CNTN4: variants seen among roughly 807,000 people sequenced by gnomAD.
The protein encoded by CNTN4 is contactin 4.
Under a neutral mutation model 122.5 loss-of-function variants are expected in CNTN4, and 77 were observed. That is an observed-to-expected ratio of 0.63 (90% confidence interval 0.52 to 0.76). The LOEUF (loss-of-function observed/expected upper bound fraction) is 0.76, where lower values mean the gene tolerates loss of function less well. Ranked by LOEUF, CNTN4 falls within the 30% of genes least tolerant of loss-of-function variation. CNTN4 has a pLI of 0.00. For missense variants in CNTN4, 1,256 were observed against 1,259.1 expected (o/e 1.00, Z 0.04); for synonymous variants, 512 against 447.0 (o/e 1.15, Z -1.83).
intron 3 of CNTN4, among the ~76,000 whole-genome samples, chr3:2,525,723 T>A (rs551682446): frequency 6.6e-5 from 10 of 152,298 alleles, no homozygotes; most frequent in Non-Finnish European, 2.9e-5. Context: ...ACAATCAGTA[T>A]CAAATTCTGG....
At chr3:2,242,919 A>G (rs1293562137) in intron 2 of CNTN4, among the ~76,000 whole-genome samples, 1 of 152,168 alleles carries the variant, frequency 6.6e-6, no homozygotes, top group Non-Finnish European at 1.5e-5. Context: ...ATTCCAAAGT[A>G]TGGCAGGAAT....
intron 2 of CNTN4, among the ~76,000 whole-genome samples, chr3:2,156,651 T>C (rs972442922): frequency 2.6e-5 from 4 of 152,108 alleles, no homozygotes; most frequent in Non-Finnish European, 5.9e-5. Flanking sequence ...AAATGTTTGT[T>C]TTGGAGATGA....
chr3:2,481,861 G>A (rs1410002214), intron 3 of CNTN4, among the ~76,000 whole-genome samples: 1 of 151,986 alleles, frequency 6.6e-6, no homozygotes, highest in Non-Finnish European at 1.5e-5. Context: ...TGTGAAGAGG[G>A]GCCTCCATGC....
intron 3 of CNTN4, among the ~76,000 whole-genome samples, chr3:2,400,736 C>T (rs2046827553): frequency 6.6e-6 from 1 of 151,128 alleles, no homozygotes. Context: ...AAGAAACTAA[C>T]TTTGTGGTGG....
chr3:2,955,905 A>G (rs1441369636), intron 13 of CNTN4, among the ~76,000 whole-genome samples: 1 of 152,230 alleles, frequency 6.6e-6, no homozygotes, highest in Non-Finnish European at 1.5e-5. Flanking sequence ...AAAAATTAAA[A>G]GTAGAATTAC....
chr3:2,133,617 T>C (rs1361546717), intron 2 of CNTN4, among the ~76,000 whole-genome samples: 1 of 152,206 alleles, frequency 6.6e-6, no homozygotes, highest in African/African-American at 2.4e-5. Context: ...GGGGAAAATT[T>C]TAGGTAGTAA....
At position 2,510,864 on chromosome 3, in the gene CNTN4, A is replaced by C. The variant is rs115143467; in HGVS notation, c.-88-60552A>C. Among the ~76,000 whole-genome samples the C allele has an allele frequency of 6.2e-3, 944 of 152,194 alleles. 7 individuals are homozygous for C. The highest frequency in any genetic ancestry group is 0.017 in the African/African-American group (716 of 41,516). Reference sequence around the variant, plus strand: ...GAGGAGTGTTCTTACAGTTATGCAAATGGAATCCATATCACCAGTTCCTTT... The same window carrying C: ...GAGGAGTGTTCTTACAGTTATGCAACTGGAATCCATATCACCAGTTCCTTT... On this transcript the variant is annotated intron_variant, in intron 3 of 24. Transcript: ENST00000418658.
chr3:2,118,165 G>A (rs765821384), intron 2 of CNTN4, among the ~76,000 whole-genome samples: 9 of 152,128 alleles, frequency 5.9e-5, no homozygotes, highest in Non-Finnish European at 1.2e-4. Context: ...TGAGCTAGAT[G>A]CTGTGATGAC....
chr3:2,769,590 T>G (rs2091001924), intron 6 of CNTN4, among the ~76,000 whole-genome samples: 1 of 152,230 alleles, frequency 6.6e-6, no homozygotes, highest in South Asian at 2.1e-4. Flanking sequence ...GTATTGATGA[T>G]GGTAGAAAAT....
At chr3:2,153,751 A>G (rs2035595036) in intron 2 of CNTN4, among the ~76,000 whole-genome samples, 1 of 152,122 alleles carries the variant, frequency 6.6e-6, no homozygotes, top group Admixed American at 6.5e-5. Flanking sequence ...GTGGGGTGAA[A>G]GGGAGCAGAA....
At chr3:2,770,241 G>C (rs2091033569) in intron 6 of CNTN4, among the ~76,000 whole-genome samples, 1 of 152,092 alleles carries the variant, frequency 6.6e-6, no homozygotes, top group Non-Finnish European at 1.5e-5. Context: ...TGTTGGCCAA[G>C]CTGGTCTTGA....
intron 13 of CNTN4, among the ~76,000 whole-genome samples, chr3:2,978,716 T>C (rs1693659664): frequency 6.6e-6 from 1 of 152,132 alleles, no homozygotes; most frequent in African/African-American, 2.4e-5. Context: ...AGACCTTTGG[T>C]TGGGGGATGC....
At chr3:2,895,338 T>G (rs2094095829) in intron 10 of CNTN4, among the ~76,000 whole-genome samples, 1 of 152,178 alleles carries the variant, frequency 6.6e-6, no homozygotes, top group Non-Finnish European at 1.5e-5. Flanking sequence ...TTCTCCTAAT[T>G]TTCATAACAT....
At chr3:2,129,902 T>C (rs923048811) in intron 2 of CNTN4, among the ~76,000 whole-genome samples, 3 of 152,054 alleles carry the variant, frequency 2.0e-5, no homozygotes, top group African/African-American at 7.2e-5. Context: ...TTGTGGCAGA[T>C]AGACATGTTT....
Position 2,198,879 on chromosome 3 carries a change from G to A in CNTN4, c.-145+98240G>A, listed in dbSNP as rs577141269. ...TTTTATGTTCTCATCCCATTCAGGG[G>A]CTATTCCAATATACCAGCCGAGGGC... On this transcript the variant is annotated intron_variant, in intron 2 of 24. Transcript: ENST00000418658. Among the ~76,000 whole-genome samples the A allele has an allele frequency of 5.3e-5, 8 of 152,252 alleles. No individual in the cohort carries two copies. The East Asian group carries it at 1.2e-3, about 22-fold the overall frequency.
chr3:2,854,216 A>G (rs73110946), intron 7 of CNTN4, among the ~76,000 whole-genome samples: 71,265 of 150,760 alleles, frequency 0.47, 17,155 homozygotes, highest in Admixed American at 0.54. Context: ...GGAAGCGGGG[A>G]AAAGCATCTT....
intron 3 of CNTN4, among the ~76,000 whole-genome samples, chr3:2,384,999 G>A (rs2046191634): frequency 6.6e-6 from 1 of 151,900 alleles, no homozygotes; most frequent in African/African-American, 2.4e-5. Context: ...TGGTTTTACT[G>A]CCTCCATTCA....
chr3:2,818,396 T>C (rs2092788499), intron 6 of CNTN4, among the ~76,000 whole-genome samples: 1 of 152,158 alleles, frequency 6.6e-6, no homozygotes, highest in Admixed American at 6.5e-5. Context: ...GAGATAATCA[T>C]CATAAAATAC....
At chr3:2,792,042 T>C (rs7621820) in intron 6 of CNTN4, among the ~76,000 whole-genome samples, 77,271 of 152,008 alleles carry the variant, frequency 0.51, 19,721 homozygotes, top group East Asian at 0.63. Flanking sequence ...TTTACCTGTG[T>C]ACCTGCAATC....
Sources: gnomAD v4.1 joint callset for allele counts (sites outside exome capture counted in the v4.1 genomes callset) on GRCh38, gnomAD v4.1.1 for gene constraint, MANE v1.5 for transcripts, NCBI Gene and HGNC (gene_info 2026-07-23, HGNC 2026-07-21) for gene names.